MID1: variants seen among roughly 807,000 people sequenced by gnomAD.
The protein encoded by MID1 is midline 1, also known as E3 ubiquitin-protein ligase Midline-1.
In MID1, 7 loss-of-function variants were observed where a neutral mutation model predicts 40.4. That is an observed-to-expected ratio of 0.17 (90% CI 0.10 to 0.33). MID1 has a LOEUF of 0.33. Ranked by LOEUF, MID1 falls within the 10% of genes least tolerant of loss-of-function variation. MID1 has a pLI of 1.00. For missense variants in MID1, 367 were observed against 558.5 expected (o/e 0.66, Z 3.46); for synonymous variants, 229 against 221.2 (o/e 1.04, Z -0.31).
At chrX:10,677,291 T>C (rs1285286621) in intron 1 of MID1, among the ~76,000 whole-genome samples, 1 of 112,018 alleles carries the variant, frequency 8.9e-6, no homozygotes, top group Non-Finnish European at 1.9e-5. Context: ...AAGATATGGA[T>C]TTTACCTTAT....
intron 1 of MID1, among the ~76,000 whole-genome samples, chrX:10,750,306 G>A (rs1335292060): frequency 5.4e-5 from 6 of 111,419 alleles, no homozygotes; most frequent in Non-Finnish European, 9.4e-5. Context: ...AGTCGTGGAA[G>A]GAACTGCTGC....
chrX:10,746,915 G>A (rs1183903241), intron 1 of MID1, among the ~76,000 whole-genome samples: 3 of 110,213 alleles, frequency 2.7e-5, no homozygotes, highest in South Asian at 3.8e-4. Context: ...TGAGAATTCC[G>A]ATACCTACAA....
chrX:10,756,224 G>A (rs2043631968), intron 1 of MID1, among the ~76,000 whole-genome samples: 1 of 111,484 alleles, frequency 9.0e-6, no homozygotes, highest in Admixed American at 9.5e-5. Context: ...TCCTTTGGAA[G>A]GAGAAAAAAA....
intron 2 of MID1, among the ~76,000 whole-genome samples, chrX:10,551,200 C>T (rs959064143): frequency 3.6e-5 from 4 of 112,119 alleles, no homozygotes; most frequent in African/African-American, 1.3e-4. Context: ...TATACATGTT[C>T]AGTACAAACA....
intron 1 of MID1, among the ~76,000 whole-genome samples, chrX:10,610,936 T>A (rs1292938423): frequency 1.8e-5 from 2 of 112,136 alleles, no homozygotes; most frequent in African/African-American, 6.5e-5. Flanking sequence ...ATTTACCTGG[T>A]TAAAATTTAG....
intron 6 of MID1, among the ~76,000 whole-genome samples, chrX:10,470,622 T>C (rs1929653801): frequency 8.9e-6 from 1 of 112,423 alleles, no homozygotes; most frequent in Admixed American, 9.4e-5. Flanking sequence ...CCATGATTCA[T>C]AGTCAATCAT....
At chrX:10,690,542 G>A (rs1365335189) in intron 1 of MID1, among the ~76,000 whole-genome samples, 1 of 111,692 alleles carries the variant, frequency 9.0e-6, no homozygotes, top group Admixed American at 9.5e-5. Context: ...AAATCTTAAT[G>A]ACCAGTGCTC....
At chrX:10,772,265 C>A (rs1312758839) in intron 1 of MID1, among the ~76,000 whole-genome samples, 5 of 110,864 alleles carry the variant, frequency 4.5e-5, no homozygotes, top group African/African-American at 6.6e-5. Flanking sequence ...TTGCAGCAAC[C>A]TCGATGATAT....
intron 1 of MID1, among the ~76,000 whole-genome samples, chrX:10,814,292 A>G (rs2044120672): frequency 9.0e-6 from 1 of 111,607 alleles, no homozygotes; most frequent in Non-Finnish European, 1.9e-5. Context: ...TCTGTTGATA[A>G]TTAATTAGTG....
At chrX:10,468,530 C>T (rs1165706213) in intron 7 of MID1, among the ~76,000 whole-genome samples, 3 of 112,407 alleles carry the variant, frequency 2.7e-5, no homozygotes, top group Non-Finnish European at 1.9e-5. Flanking sequence ...CTATTCTGTT[C>T]TATTTTGACA....
intron 1 of MID1, among the ~76,000 whole-genome samples, chrX:10,570,399 A>T (rs1216194648): frequency 8.9e-6 from 1 of 112,205 alleles, no homozygotes; most frequent in African/African-American, 3.2e-5. Flanking sequence ...TATCACTGAC[A>T]TATTCTTTTA....
chrX:10,772,399 G>C (rs2043776599), intron 1 of MID1, among the ~76,000 whole-genome samples: 1 of 109,556 alleles, frequency 9.1e-6, no homozygotes, highest in Non-Finnish European at 1.9e-5. Flanking sequence ...ATGGACTTTG[G>C]GGACTCAGGG....
chrX:10,780,673 A>C (rs1194938291), intron 1 of MID1, among the ~76,000 whole-genome samples: 1 of 112,033 alleles, frequency 8.9e-6, no homozygotes, highest in Non-Finnish European at 1.9e-5. Context: ...ACACAGATGA[A>C]AGAAGTGACA....
intron 1 of MID1, among the ~76,000 whole-genome samples, chrX:10,796,412 A>AGTT (rs1300103152): frequency 1.2e-5 from 1 of 85,900 alleles, no homozygotes; most frequent in African/African-American, 6.7e-5. Flanking sequence ...AAGAAAATTC[A>AGTT]GTTTTTTTTT....
At chrX:10,600,782 C>T (rs1935504758) in intron 1 of MID1, among the ~76,000 whole-genome samples, 1 of 112,029 alleles carries the variant, frequency 8.9e-6, no homozygotes, top group Non-Finnish European at 1.9e-5. Context: ...ACAAAGGATG[C>T]ACTCATTAGT....
intron 2 of MID1, among the ~76,000 whole-genome samples, chrX:10,540,941 T>G (rs181233760): frequency 3.0e-4 from 34 of 112,036 alleles, no homozygotes; most frequent in African/African-American, 1.1e-3. Flanking sequence ...ATTTGGCACT[T>G]TGGTTTCAAA....
chrX:10,526,464 C>CT, intron 2 of MID1, among the ~76,000 whole-genome samples: 1 of 111,622 alleles, frequency 9.0e-6, no homozygotes, highest in East Asian at 2.8e-4. Flanking sequence ...TATTTGTCAA[C>CT]TTTTTTGGTA....
intron 2 of MID1, among the ~76,000 whole-genome samples, chrX:10,562,371 TA>T (rs760465620): frequency 0.2 from 8,862 of 44,757 alleles, 868 homozygotes; most frequent in African/African-American, 0.35. Context: ...GAACTTAAAG[TA>T]AAAAAAAAAA....
At chrX:10,757,592 G>T (rs1211248794) in intron 1 of MID1, among the ~76,000 whole-genome samples, 1 of 111,931 alleles carries the variant, frequency 8.9e-6, no homozygotes, top group Non-Finnish European at 1.9e-5. Context: ...ATTTTTTTTG[G>T]ATTAAATTAA....
Sources: allele counts gnomAD v4.1 joint callset (sites outside exome capture counted in the v4.1 genomes callset), GRCh38; gene constraint gnomAD v4.1.1; transcripts MANE v1.5; gene names NCBI Gene and HGNC (gene_info 2026-07-23, HGNC 2026-07-21).